Variants in C4orf50 observed in about 807,000 individuals in gnomAD.
C4orf50 encodes chromosome 4 open reading frame 50.
In C4orf50, 80 loss-of-function variants were observed where a neutral mutation model predicts 77.2. That is an observed-to-expected ratio of 1.04 (90% CI 0.87 to 1.25). The LOEUF (loss-of-function observed/expected upper bound fraction) is 1.25. Among genes scored for constraint, C4orf50 ranks in the 50% most tolerant of loss-of-function variants. C4orf50 has a pLI of 0.00. For missense variants in C4orf50, 1,257 were observed against 1,152.9 expected (o/e 1.09, Z -1.31); for synonymous variants, 532 against 465.3 (o/e 1.14, Z -1.84).
intron 7 of C4orf50, among the ~76,000 whole-genome samples, chr4:5,929,481 C>T (rs6840908): frequency 0.39 from 59,575 of 152,046 alleles, 12,067 homozygotes; most frequent in Non-Finnish European, 0.43. Flanking sequence ...ATATGAAATA[C>T]GCACTTTTAT....
chr4:5,942,256 T>TG (rs879860471), intron 7 of C4orf50, among the ~76,000 whole-genome samples: 5 of 152,140 alleles, frequency 3.3e-5, no homozygotes, highest in Non-Finnish European at 5.9e-5. Flanking sequence ...AGTGCCAATC[T>TG]GGTTTGCTTA....
chr4:5,996,311 C>A (rs912532727), intron 25 of C4orf50, among the ~76,000 whole-genome samples: 4 of 152,178 alleles, frequency 2.6e-5, no homozygotes, highest in African/African-American at 9.7e-5. Context: ...CAGGCCCCTC[C>A]CTTCCACGCA....
chr4:5,954,644 C>T (rs762944119), downstream of C4orf50, among the ~76,000 whole-genome samples: 41 of 151,992 alleles, frequency 2.7e-4, no homozygotes, highest in Non-Finnish European at 5.9e-5. This position sits in a 1 kb window ranked among gnomAD's most constrained non-coding sequence, Gnocchi z 4.7. Flanking sequence ...AGCCTGTATT[C>T]GATTCGTTCA....
intron 25 of C4orf50, among the ~76,000 whole-genome samples, chr4:6,004,110 GTGATGATGGTGATAGTGATGA>G (rs1722049164): frequency 9.9e-6 from 1 of 100,632 alleles, no homozygotes; most frequent in Non-Finnish European, 2.1e-5. Context: ...GATGGTGATG[GTGATGATGGTGATAGTGATGA>G]TGGTGATGGT....
At chr4:5,940,051 G>A (rs779359659) in intron 7 of C4orf50, among the ~76,000 whole-genome samples, 11 of 152,206 alleles carry the variant, frequency 7.2e-5, no homozygotes, top group Non-Finnish European at 1.2e-4. Flanking sequence ...GCACATGTGC[G>A]TGTTTCTCCC....
chr4:5,926,671 G>A (rs1047245498), intron 7 of C4orf50, among the ~76,000 whole-genome samples: 12 of 151,730 alleles, frequency 7.9e-5, no homozygotes, highest in Non-Finnish European at 1.2e-4. Flanking sequence ...CTGTGTCCCC[G>A]GGCCCACAGA....
intron 25 of C4orf50, among the ~76,000 whole-genome samples, chr4:5,994,725 C>A (rs563500570): frequency 3.5e-4 from 53 of 152,312 alleles, no homozygotes; most frequent in African/African-American, 1.3e-3. Context: ...GGGCAGCGTT[C>A]AGTCCTCAGA....
Position 6,011,895 on chromosome 4 carries a change from C to A in C4orf50, c.361G>T (p.Glu121Ter), listed in dbSNP as rs941062198. The A allele has an allele frequency of 1.5e-5, 6 of 398,972 alleles. No homozygotes were observed. In the Admixed American group the frequency reaches 2.2e-4, roughly 15 times the overall value. 24.7% of individuals were successfully genotyped at this position (398,972 alleles called of 1,614,324 possible). A position where few individuals can be genotyped will look rare whatever the true frequency, so the allele number is the denominator to read the frequency against. ...TGGGCCTGGAGCCAGGCGCTTCTCT[C>A]CTGGGCCACGTGGGTGCTCAGCTGG... Residue 121 changes from glutamate to a stop codon, truncating the protein, a stop_gained, in exon 24 of 34, where the codon GAG becomes TAG. Coordinates refer to ENST00000531445, the Ensembl canonical transcript of C4orf50. LOFTEE classifies it high-confidence loss of function. The surrounding 1 kb of genome is among the most constrained non-coding windows in gnomAD (Gnocchi z 4.2).
At chr4:5,973,737 G>T (rs148153630) in exon 31 of C4orf50, 4 of 1,613,978 alleles carry the variant, frequency 2.5e-6, no homozygotes, top group Non-Finnish European at 3.4e-6. Flanking sequence ...GCGCCAGCTC[G>T]GAGAGCAGGA....
chr4:5,907,655 G>C (rs1716613051), intron 7 of C4orf50, among the ~76,000 whole-genome samples: 1 of 152,204 alleles, frequency 6.6e-6, no homozygotes, highest in African/African-American at 2.4e-5. Context: ...GAGATAAAGA[G>C]GCATATGGGG....
rs1722282852 is a variant in C4orf50 at position 6,007,170 on chromosome 4, A to T, written c.963+826T>A. Among the ~76,000 whole-genome samples, 1 of 152,146 alleles carries T rather than the reference A, an allele frequency of 6.6e-6. No individual in the cohort carries two copies. Among genetic ancestry groups the T allele is most frequent in the Non-Finnish European group, 1.5e-5 (1 of 68,024 alleles). Reference sequence around the variant, plus strand: ...TGGCCAGAGGGGTAGATAGATGAACACATGGTGTGGTGAATGAGAAGATAA... The same window carrying T: ...TGGCCAGAGGGGTAGATAGATGAACTCATGGTGTGGTGAATGAGAAGATAA... On this transcript the variant is annotated intron_variant, in intron 25 of 33. Coordinates refer to ENST00000531445, the Ensembl canonical transcript of C4orf50. This position sits in a 1 kb window ranked among gnomAD's most constrained non-coding sequence, Gnocchi z 4.1.
chr4:5,993,355 G>A (rs935912183), intron 26 of C4orf50, among the ~76,000 whole-genome samples: 1 of 152,230 alleles, frequency 6.6e-6, no homozygotes, highest in South Asian at 2.1e-4. Flanking sequence ...AACGCTGGTT[G>A]CATCAGTCAG....
chr4:5,922,212 G>A (rs959198186), intron 7 of C4orf50, among the ~76,000 whole-genome samples: 12 of 152,162 alleles, frequency 7.9e-5, no homozygotes, highest in Admixed American at 2.0e-4. Context: ...GTGGTGGGCC[G>A]GGGCCCACTG....
chr4:5,909,581 T>C (rs114353394), intron 7 of C4orf50, among the ~76,000 whole-genome samples: 1,838 of 152,388 alleles, frequency 0.012, 21 homozygotes, highest in Middle Eastern at 0.024. Context: ...ATAAAATCTT[T>C]GCTCAGACCA....
exon 28 of C4orf50, chr4:5,989,995 G>A: frequency 2.8e-6 from 4 of 1,404,484 alleles, no homozygotes; most frequent in Non-Finnish European, 2.8e-6. Context: ...CTGACTGTCT[G>A]TTGGCCATGG....
At chr4:5,898,436 C>G (rs1716215860) in intron 7 of C4orf50, 1 of 152,192 alleles carries the variant, frequency 6.6e-6, no homozygotes, top group Non-Finnish European at 1.5e-5. Context: ...TTTCTTTAAT[C>G]TTCACACCTT....
At chr4:5,925,767 G>A (rs60068930) in intron 7 of C4orf50, among the ~76,000 whole-genome samples, 62,137 of 152,180 alleles carry the variant, frequency 0.41, 13,050 homozygotes, top group African/African-American at 0.44. Context: ...GTTTGGGAGC[G>A]AGGACCAGGG....
At chr4:5,980,292 C>A in exon 29 of C4orf50, 1 of 1,612,702 alleles carries the variant, frequency 6.2e-7, no homozygotes. Flanking sequence ...CTGCTGGGCC[C>A]GCAGCCTGGG....
rs954233151 is a variant in C4orf50 at position 5,992,388 on chromosome 4, AC to A, written c.1221+414del. On this transcript the variant is annotated intron_variant, in intron 27 of 33. Coordinates refer to ENST00000531445, the Ensembl canonical transcript of C4orf50. This position sits in a 1 kb window ranked among gnomAD's most constrained non-coding sequence, Gnocchi z 5.0. Reference sequence around the variant, plus strand: ...AGGTGAGTTGGGACGCAGGCTCCTGACCCTCAGGGCCAGCATGGGGCAGTGT... The same window carrying A: ...AGGTGAGTTGGGACGCAGGCTCCTGACCTCAGGGCCAGCATGGGGCAGTGT... 2.6e-5 allele frequency among the ~76,000 whole-genome samples: 4 copies of A among 151,668 alleles called. No homozygotes were observed. The highest frequency in any genetic ancestry group is 1.5e-5 in the Non-Finnish European group (1 of 67,888).
Sources: gnomAD v4.1 joint callset for allele counts (sites outside exome capture counted in the v4.1 genomes callset) on GRCh38, gnomAD v4.1.1 for gene constraint, Gnocchi (gnomAD v3.1) non-coding constraint, MANE v1.5 for transcripts, NCBI Gene and HGNC (gene_info 2026-07-23, HGNC 2026-07-21) for gene names.